Variants in ATAD1 observed in about 807,000 individuals in gnomAD.
ATAD1 encodes outer mitochondrial transmembrane helix translocase.
ATAD1 carries 18 observed loss-of-function variants against 42.7 expected under a neutral mutation model. The observed-to-expected ratio is 0.42, with a 90% confidence interval of 0.29 to 0.63. ATAD1 has a LOEUF of 0.63. ATAD1 is among the 20% of genes least tolerant of loss of function. The pLI is 0.19. For missense variants in ATAD1, 294 were observed against 440.4 expected, an observed-to-expected ratio of 0.67 and a Z score of 2.98; for synonymous variants, 132 against 143.1, an observed-to-expected ratio of 0.92 and a Z score of 0.55.
intron 2 of ATAD1, among the ~76,000 whole-genome samples, chr10:87,805,644 C>T (rs1856888141): frequency 6.6e-6 from 1 of 152,048 alleles, no homozygotes; most frequent in Non-Finnish European, 1.5e-5. Context: ...TAAAACAACT[C>T]TACCCTAAAA....
intron 2 of ATAD1, among the ~76,000 whole-genome samples, chr10:87,809,086 A>G (rs1215316374): frequency 6.6e-6 from 1 of 152,192 alleles, no homozygotes; most frequent in African/African-American, 2.4e-5. Flanking sequence ...CTAACCATGT[A>G]TTCTATTTCT....
intron 1 of ATAD1, chr10:87,817,846 C>T (rs1857493733): frequency 3.0e-6 from 3 of 985,364 alleles, no homozygotes; most frequent in African/African-American, 1.7e-5. Flanking sequence ...TGAAGTCTTC[C>T]GGGACGACCT....
At chr10:87,814,257 T>G (rs1286587107) in intron 2 of ATAD1, among the ~76,000 whole-genome samples, 181 bp downstream of exon 2, 1 of 151,996 alleles carries the variant, frequency 6.6e-6, no homozygotes, top group Non-Finnish European at 1.5e-5. Context: ...AAAAAATGAC[T>G]TGAAATAATG....
rs1237570404 is a variant in ATAD1, at chr10:87,752,250, T to C, written c.*2437A>G. ...CTTATCAAAAGTCTTCCAGCAATGA[T>C]GCTTTTAGAGAAACATGGCATAAAT... On this transcript the variant is annotated 3_prime_UTR_variant, in exon 10 of 10. Coordinates refer to ENST00000680024, the MANE Select transcript of ATAD1 (RefSeq NM_001321967.2). 1.3e-5 allele frequency: 2 copies of C among 152,194 alleles called. No homozygotes were observed. Among genetic ancestry groups the C allele is most frequent in the Admixed American group, 6.5e-5 (1 of 15,278 alleles). 9.4% of individuals were successfully genotyped at this position (152,194 alleles called of 1,614,324 possible).
At chr10:87,828,523 C>A (rs1414833151) in intron 1 of ATAD1, among the ~76,000 whole-genome samples, 1 of 152,178 alleles carries the variant, frequency 6.6e-6, no homozygotes. Context: ...AGGAAGCTAT[C>A]TTCATAACAT....
intron 2 of ATAD1, among the ~76,000 whole-genome samples, chr10:87,812,604 G>C (rs1857237449): frequency 6.6e-6 from 1 of 152,138 alleles, no homozygotes; most frequent in Admixed American, 6.5e-5. Context: ...GTAGGGAAGA[G>C]AAGAGGAGGG....
chr10:87,780,427 T>C (rs1855512602), intron 5 of ATAD1, among the ~76,000 whole-genome samples: 1 of 152,184 alleles, frequency 6.6e-6, no homozygotes, highest in Non-Finnish European at 1.5e-5. Context: ...CCTTAAACTA[T>C]GGACTTTGGT....
chr10:87,780,895 T>C (rs1303258131), intron 5 of ATAD1, among the ~76,000 whole-genome samples: 1 of 152,204 alleles, frequency 6.6e-6, no homozygotes. Context: ...AGGAAACTTG[T>C]CCATCTTTGC....
chr10:87,811,355 A>AAATAAATAAATAAATC (rs1857174431), intron 2 of ATAD1, among the ~76,000 whole-genome samples: 1 of 152,070 alleles, frequency 6.6e-6, no homozygotes, highest in Admixed American at 6.6e-5. Flanking sequence ...ATAAATAAAT[A>AAATAAATAAATAAATC]AATAAAACAA....
chr10:87,786,916 T>C (rs999438889), intron 4 of ATAD1, among the ~76,000 whole-genome samples: 13 of 151,908 alleles, frequency 8.6e-5, no homozygotes, highest in African/African-American at 2.7e-4. Context: ...GATTGCGCCA[T>C]TGCACTCCAG....
intron 4 of ATAD1, among the ~76,000 whole-genome samples, chr10:87,788,886 C>G (rs374377497): frequency 1.3e-5 from 2 of 151,978 alleles, no homozygotes; most frequent in South Asian, 2.1e-4. Flanking sequence ...TTTTTTGCGG[C>G]AGGGGGGAAA....
chr10:87,827,486 A>G (rs1252044565), intron 1 of ATAD1, among the ~76,000 whole-genome samples: 3 of 152,172 alleles, frequency 2.0e-5, no homozygotes, highest in Non-Finnish European at 4.4e-5. Flanking sequence ...TTCCAACAGC[A>G]TGTACTCACT....
At chr10:87,757,463 TAAGAA>T in intron 8 of ATAD1, among the ~76,000 whole-genome samples, 1 of 152,266 alleles carries the variant, frequency 6.6e-6, no homozygotes, top group East Asian at 1.9e-4. Context: ...ATGTACAGAT[TAAGAA>T]GAGAAAATAA....
chr10:87,793,673 G>A (rs1856236821), intron 2 of ATAD1, among the ~76,000 whole-genome samples: 1 of 151,962 alleles, frequency 6.6e-6, no homozygotes, highest in Admixed American at 6.6e-5. Flanking sequence ...TAAGACTGGA[G>A]TTTATAACCA....
rs190491187 is a variant in ATAD1 at position 87,754,911 on chromosome 10, T to A, written c.966-104A>T. On this transcript the variant is annotated intron_variant, in intron 9 of 9. Transcript: ENST00000680024. ...AGAGATGCATGTGGTAAAAAAAAAA[T>A]TTTGTTTTCAACTGTAGAAAAGGGT... 1,736 of 1,346,640 alleles carry A rather than the reference T, an allele frequency of 1.3e-3. 13 individuals carry two copies. The African/African-American group carries it at 0.022, about 17-fold the overall frequency. 83.4% of individuals were successfully genotyped at this position (1,346,640 alleles called of 1,614,324 possible). A position where few individuals can be genotyped will look rare whatever the true frequency, so the allele number is the denominator to read the frequency against.
intron 3 of ATAD1, among the ~76,000 whole-genome samples, chr10:87,792,091 G>C (rs1177980140): frequency 6.6e-6 from 1 of 152,200 alleles, no homozygotes; most frequent in Non-Finnish European, 1.5e-5. Flanking sequence ...AAGTAGGCCT[G>C]AGACTGTTGT....
intron 3 of ATAD1, among the ~76,000 whole-genome samples, chr10:87,790,865 A>T (rs1856062401): frequency 6.6e-6 from 1 of 151,968 alleles, no homozygotes; most frequent in Non-Finnish European, 1.5e-5. Context: ...CTTACAAAAC[A>T]TAGCTTCTGA....
intron 2 of ATAD1, among the ~76,000 whole-genome samples, chr10:87,811,289 T>C (rs1857168194): frequency 6.6e-6 from 1 of 151,978 alleles, no homozygotes; most frequent in African/African-American, 2.4e-5. Flanking sequence ...GCTGAGATTG[T>C]ACCACTGCAC....
chr10:87,796,011 T>C (rs888822839), intron 2 of ATAD1, among the ~76,000 whole-genome samples: 1 of 152,210 alleles, frequency 6.6e-6, no homozygotes, highest in Admixed American at 6.5e-5. Flanking sequence ...TATAAAGCTT[T>C]TTAAAAATGC....
Sources: allele counts gnomAD v4.1 joint callset (sites outside exome capture counted in the v4.1 genomes callset), GRCh38; gene constraint gnomAD v4.1.1; transcripts MANE v1.5; gene names NCBI Gene and HGNC (gene_info 2026-07-23, HGNC 2026-07-21).